Variants in ZNF10 observed in about 807,000 individuals in gnomAD.
ZNF10 encodes the protein zinc finger protein 10 (KOX 1).
ZNF10 carries 8 observed loss-of-function variants against 12.2 expected under a neutral mutation model. That is an observed-to-expected ratio of 0.66 (90% CI 0.39 to 1.18). The LOEUF (loss-of-function observed/expected upper bound fraction) is 1.18, where lower values mean the gene tolerates loss of function less well. Ranked by LOEUF, ZNF10 falls within the 50% of genes most tolerant of loss-of-function variation. The probability of loss-of-function intolerance (pLI) is 0.01; values close to 1 mark genes in which losing one functional copy is unlikely to be tolerated. For missense variants in ZNF10, 603 were observed against 678.9 expected, an observed-to-expected ratio of 0.89 and a Z score of 1.24; for synonymous variants, 229 against 228.2, an observed-to-expected ratio of 1.00 and a Z score of -0.03.
At position 133,156,119 on chromosome 12, in the gene ZNF10, A is replaced by G. The variant is rs201625396; in HGVS notation, c.873A>G (p.Lys291=). ...ATCAGCTTATTCATACTGGAGAAAA[A>G]CCCTATGAGTGTAAAGAATGTGGAA... is the stretch of plus-strand genomic sequence containing the variant. ...TRHQLIHTGE[K]PYECKECGKS... Residue 291 remains lysine (K), a synonymous_variant, in exon 5 of 5, where the codon AAA becomes AAG. Coordinates refer to ENST00000248211, the MANE Select transcript of ZNF10 (RefSeq NM_015394.5). 6.2e-7 allele frequency: 1 copy of G among 1,613,396 alleles called. No homozygotes were observed. The highest frequency in any genetic ancestry group is 1.3e-5 in the African/African-American group (1 of 75,028).
intron 2 of ZNF10, among the ~76,000 whole-genome samples, chr12:133,145,592 C>T (rs778233285): frequency 2.0e-5 from 3 of 152,052 alleles, no homozygotes; most frequent in Non-Finnish European, 2.9e-5. Context: ...CGCAGATCAC[C>T]GAGGTCAGGA....
In ZNF10 at chr12:133,155,998, C is replaced by T; in HGVS notation, c.752C>T (p.Ser251Leu). 1.2e-6 allele frequency: 2 copies of T among 1,613,938 alleles called. No individual in the cohort carries two copies. Among genetic ancestry groups the T allele is most frequent in the Non-Finnish European group, 1.7e-6 (2 of 1,180,024 alleles). ...PDNDNSLTHG[S>L]SLGISKGIHR... is the part of the protein sequence containing the mutation. ...AATGACAACTCTCTTACTCATGGTT[C>T]ATCTCTTGGTATATCAAAGGGCATA... is the stretch of plus-strand genomic sequence containing the variant. The change falls in exon 5 of 5, where the codon TCA (serine) becomes TTA (leucine). Residue 251 changes from serine to leucine, a missense_variant. Ser to Leu is a moderately radical substitution (Grantham distance 145, BLOSUM62 -2). This residue lies in a region of ZNF10 where 393 missense variants were observed against 399.7 expected (regional missense o/e 0.98). Transcript: ENST00000248211.
chr12:133,144,554 A>G (rs751425790), intron 2 of ZNF10, 29 bp downstream of exon 2: 8 of 1,610,526 alleles, frequency 5.0e-6, no homozygotes, highest in East Asian at 2.2e-5. Flanking sequence ...CCAGTTTCCA[A>G]CTGGGAATTC....
At position 133,140,214 on chromosome 12, in the gene ZNF10, A is replaced by AG. The variant is rs931214805; in HGVS notation, c.-59-4220_-59-4219insG. Among the ~76,000 whole-genome samples, 22 of 142,684 alleles carry AG rather than the reference A, an allele frequency of 1.5e-4. No individual in the cohort carries two copies. In the South Asian group the frequency reaches 4.0e-3, roughly 26 times the overall value. The allele number at this position is 142,684 out of a possible 152,430, so 93.6% of individuals were successfully genotyped here. The stretch of plus-strand genomic sequence containing the variant: ...TAAGACCCTGTCTCAAAAAAAAAAA[A>AG]AAAAAAAAAAAAAAAAAGCCAGGTG... On this transcript the variant is annotated intron_variant, in intron 1 of 4. Transcript: ENST00000248211.
chr12:133,146,787 A>G (rs190599859), intron 2 of ZNF10, among the ~76,000 whole-genome samples: 1 of 152,042 alleles, frequency 6.6e-6, no homozygotes, highest in African/African-American at 2.4e-5. Flanking sequence ...CAGAGGTTGC[A>G]CTGAGCCGAG....
chr12:133,150,918 CTT>C, intron 2 of ZNF10, 108 bp from the exon 3 acceptor site: 1 of 1,385,480 alleles, frequency 7.2e-7, no homozygotes. Flanking sequence ...GGTCCATCCA[CTT>C]TACCTGCCCC....
Position 133,156,041 on chromosome 12 carries a change from T to C in ZNF10, c.795T>C (p.Tyr265=), listed in dbSNP as rs1311585804. 2 of 1,613,610 alleles carry C rather than the reference T, an allele frequency of 1.2e-6. No homozygotes were observed. Among genetic ancestry groups the C allele is most frequent in the South Asian group, 1.1e-5 (1 of 91,082 alleles). The part of the protein sequence containing the change: ...ISKGIHREKP[Y]ECKECGKFFS... ...AGGGCATACATAGAGAGAAACCCTATGAATGTAAGGAATGTGGAAAATTCT... is the reference window on the plus strand; with the variant it reads ...AGGGCATACATAGAGAGAAACCCTACGAATGTAAGGAATGTGGAAAATTCT... The change falls in exon 5 of 5, where the codon TAT becomes TAC. Residue 265 remains tyrosine, a synonymous_variant. Transcript: ENST00000248211.
Position 133,156,846 on chromosome 12 carries a change from G to T in ZNF10, c.1600G>T (p.Val534Phe). Residue 534 changes from valine (V) to phenylalanine (F), a missense_variant, in exon 5 of 5, where the codon GTT (valine) becomes TTT (phenylalanine). Transcript: ENST00000248211. ...IIFSQNSPFIVHQIAHTGEQF... is the reference protein window; with the variant it reads ...IIFSQNSPFIFHQIAHTGEQF... ...CTTCAGCCAGAACTCTCCATTTATAGTTCATCAAATAGCTCACACTGGAGA... is the reference window on the plus strand; with the variant it reads ...CTTCAGCCAGAACTCTCCATTTATATTTCATCAAATAGCTCACACTGGAGA... 1 of 1,531,360 alleles carries T rather than the reference G, an allele frequency of 6.5e-7. No individual in the cohort carries two copies. The allele number at this position is 1,531,360 out of a possible 1,614,324, so 94.9% of individuals were successfully genotyped here.
Position 133,156,263 on chromosome 12 carries a change from T to C in ZNF10, c.1017T>C (p.His339=). 6.2e-7 allele frequency: 1 copy of C among 1,614,150 alleles called. No individual in the cohort carries two copies. Among genetic ancestry groups the C allele is most frequent in the South Asian group, 1.1e-5 (1 of 91,086 alleles). The change falls in exon 5 of 5, where the codon CAT becomes CAC. Residue 339 remains histidine (H), a synonymous_variant. Transcript: ENST00000248211. ...GCTGGTTCTCTCACCTTGTTACTCA[T>C]CAGAGAACTCATACAGGAGACAAAC... ...SFSWFSHLVT[H]QRTHTGDKLY...
At chr12:133,138,004 C>T (rs1262007261) in intron 1 of ZNF10, among the ~76,000 whole-genome samples, 1 of 151,810 alleles carries the variant, frequency 6.6e-6, no homozygotes, top group East Asian at 1.9e-4. Flanking sequence ...ATCTGTGTTT[C>T]TCAACCTTAG....
chr12:133,134,548 A>G (rs956227694), intron 1 of ZNF10, among the ~76,000 whole-genome samples: 3 of 152,190 alleles, frequency 2.0e-5, no homozygotes, highest in Non-Finnish European at 4.4e-5. Flanking sequence ...CGAAACCTGT[A>G]TCAGACTTCT....
Position 133,155,500 on chromosome 12 carries a change from C to A in ZNF10, c.257-3C>A. On this transcript the variant is annotated splice_polypyrimidine_tract_variant and splice_region_variant and intron_variant, in intron 4 of 4. Coordinates refer to ENST00000248211, the MANE Select transcript of ZNF10 (RefSeq NM_015394.5). ...TTACACAAACATTTTTCATTTCTTT[C>A]AGATTCAGAGACTGCATTTGAAATC... is the stretch of plus-strand genomic sequence containing the variant. 6.4e-7 allele frequency: 1 copy of A among 1,568,934 alleles called. No individual in the cohort carries two copies. The highest frequency in any genetic ancestry group is 1.2e-5 in the South Asian group (1 of 82,420).
At chr12:133,152,526 C>T (rs1199618509) in intron 4 of ZNF10, among the ~76,000 whole-genome samples, 9 of 152,140 alleles carry the variant, frequency 5.9e-5, no homozygotes, top group South Asian at 2.1e-4. Flanking sequence ...GCGATTCTTC[C>T]GCCTTAGCCT....
At chr12:133,154,143 A>G (rs1236019618) in intron 4 of ZNF10, among the ~76,000 whole-genome samples, 2 of 152,166 alleles carry the variant, frequency 1.3e-5, no homozygotes, top group East Asian at 1.9e-4. Context: ...TTTAACCCAT[A>G]ATACCAGGTA....
intron 1 of ZNF10, among the ~76,000 whole-genome samples, chr12:133,136,281 G>C (rs987667516): frequency 6.6e-6 from 1 of 151,742 alleles, no homozygotes; most frequent in Non-Finnish European, 1.5e-5. Flanking sequence ...TCTTCTACCT[G>C]CCCTTTCTCT....
At chr12:133,151,569 C>T (rs970871044) in intron 3 of ZNF10, among the ~76,000 whole-genome samples, 2 of 152,028 alleles carry the variant, frequency 1.3e-5, no homozygotes, top group African/African-American at 4.8e-5. Context: ...ACTTGAACCC[C>T]GGAAGTGGAG....
chr12:133,154,983 C>G (rs149740812), intron 4 of ZNF10, among the ~76,000 whole-genome samples: 1 of 151,708 alleles, frequency 6.6e-6, no homozygotes, highest in Non-Finnish European at 1.5e-5. Context: ...GAGGCTGAGG[C>G]AGGAGAATCA....
chr12:133,145,991 G>A (rs1593843171), intron 2 of ZNF10, among the ~76,000 whole-genome samples: 1 of 152,088 alleles, frequency 6.6e-6, no homozygotes, highest in South Asian at 2.1e-4. Context: ...TTACTTATAG[G>A]AATGCTAAAA....
At position 133,156,035 on chromosome 12, in the gene ZNF10, AC is replaced by A. The variant is rs1362213646; in HGVS notation, c.792del (p.Tyr265MetfsTer136). On this transcript the variant is annotated frameshift_variant, in exon 5 of 5. Coordinates refer to ENST00000248211, the MANE Select transcript of ZNF10 (RefSeq NM_015394.5). LOFTEE classifies it low-confidence loss of function (END_TRUNC). ...TATCAAAGGGCATACATAGAGAGAA[AC>A]CCTATGAATGTAAGGAATGTGGAAA... ...GISKGIHREK[P>X]YECKECGKFF... 6.2e-7 allele frequency: 1 copy of A among 1,613,638 alleles called. No individual in the cohort carries two copies. The highest frequency in any genetic ancestry group is 1.3e-5 in the African/African-American group (1 of 75,046).
Sources: gnomAD v4.1 joint callset for allele counts (sites outside exome capture counted in the v4.1 genomes callset) on GRCh38, gnomAD v4.1.1 for gene constraint, gnomAD v4.1.1 regional missense constraint, MANE v1.5 for transcripts, NCBI Gene and HGNC (gene_info 2026-07-23, HGNC 2026-07-21) for gene names.